CACNA2D3: variants seen among roughly 807,000 people sequenced by gnomAD.
CACNA2D3 encodes voltage-dependent calcium channel subunit alpha-2/delta-3.
A neutral mutation model predicts 160.6 loss-of-function variants in CACNA2D3; 60 were observed. The ratio of observed to expected loss-of-function variants is 0.37; its 90% CI spans 0.30 to 0.46. CACNA2D3 has a LOEUF of 0.46. CACNA2D3 is among the 20% of genes least tolerant of loss of function. The probability of loss-of-function intolerance (pLI) is 1.00; values close to 1 mark genes in which losing one functional copy is unlikely to be tolerated. For synonymous variants in CACNA2D3, 558 were observed against 492.9 expected, an observed-to-expected ratio of 1.13 and a Z score of -1.75; for missense variants, 1,205 against 1,365.0, an observed-to-expected ratio of 0.88 and a Z score of 1.85.
chr3:54,916,096 G>C (rs1252710258), intron 27 of CACNA2D3, among the ~76,000 whole-genome samples: 1 of 152,124 alleles, frequency 6.6e-6, no homozygotes, highest in East Asian at 1.9e-4. Context: ...GCATTAAAAC[G>C]AAGCATGCGT....
intron 5 of CACNA2D3, among the ~76,000 whole-genome samples, chr3:54,551,744 T>C (rs1013946591): frequency 3.9e-5 from 6 of 152,216 alleles, no homozygotes; most frequent in Non-Finnish European, 7.3e-5. Flanking sequence ...GCAAAATGCT[T>C]GAGTTCCAAA....
intron 2 of CACNA2D3, among the ~76,000 whole-genome samples, chr3:54,306,161 G>A (rs529518780): frequency 6.6e-6 from 1 of 152,032 alleles, no homozygotes; most frequent in South Asian, 2.1e-4. Context: ...GAGTACCTGT[G>A]GTCTGCTGCA....
chr3:54,657,805 G>A (rs913497170), intron 11 of CACNA2D3, among the ~76,000 whole-genome samples: 1 of 152,098 alleles, frequency 6.6e-6, no homozygotes, highest in Non-Finnish European at 1.5e-5. Flanking sequence ...GAGGCAGGTG[G>A]ATCATTTGAG....
intron 4 of CACNA2D3, among the ~76,000 whole-genome samples, chr3:54,485,429 C>T (rs1180775384): frequency 6.6e-6 from 1 of 152,158 alleles, no homozygotes; most frequent in African/African-American, 2.4e-5. Context: ...TACCTGCAAG[C>T]CACATGTTCA....
rs1704907282 is a variant in CACNA2D3, at chr3:55,074,444, C to A, written c.*238C>A. The A allele has an allele frequency of 1.9e-6, 1 of 521,238 alleles. No homozygotes were observed. The highest frequency in any genetic ancestry group is 3.4e-6 in the Non-Finnish European group (1 of 291,176). The allele number at this position is 521,238 out of a possible 1,614,324, so 32.3% of individuals were successfully genotyped here. A position where few individuals can be genotyped will look rare whatever the true frequency, so the allele number is the denominator to read the frequency against. On this transcript the variant is annotated 3_prime_UTR_variant, in exon 38 of 38. Coordinates refer to ENST00000474759, the MANE Select transcript of CACNA2D3 (RefSeq NM_018398.3). ...AAATGTGAGTTTGCCACATGATAAT[C>A]ACCCTTCATCAGAAATGGGACCGCA...
chr3:54,823,317 A>G (rs2106730594), intron 14 of CACNA2D3, among the ~76,000 whole-genome samples: 1 of 152,074 alleles, frequency 6.6e-6, no homozygotes, highest in South Asian at 2.1e-4. Context: ...TTTATATACT[A>G]TTTTTCCTGA....
At chr3:54,722,429 C>T (rs957054295) in intron 11 of CACNA2D3, among the ~76,000 whole-genome samples, 3 of 152,220 alleles carry the variant, frequency 2.0e-5, no homozygotes, top group African/African-American at 7.2e-5. Context: ...CAAACCTATT[C>T]TCTGTCCAGT....
chr3:54,433,215 A>C (rs1700014508), intron 4 of CACNA2D3, among the ~76,000 whole-genome samples: 1 of 152,024 alleles, frequency 6.6e-6, no homozygotes, highest in East Asian at 1.9e-4. Context: ...CTGGAGGGGG[A>C]TTTATGTACT....
intron 11 of CACNA2D3, among the ~76,000 whole-genome samples, chr3:54,687,034 A>G (rs1284574625): frequency 1.3e-5 from 2 of 150,668 alleles, no homozygotes; most frequent in African/African-American, 4.9e-5. Flanking sequence ...GCTTGGATAT[A>G]TGGTCTCTAT....
intron 11 of CACNA2D3, among the ~76,000 whole-genome samples, chr3:54,662,082 CAT>C (rs1320897722): frequency 6.6e-6 from 1 of 152,098 alleles, no homozygotes; most frequent in East Asian, 1.9e-4. Context: ...GGGCAGATAT[CAT>C]GTTCCTCTGG....
intron 2 of CACNA2D3, among the ~76,000 whole-genome samples, chr3:54,204,255 C>G (rs1022768442): frequency 6.6e-6 from 1 of 152,020 alleles, no homozygotes; most frequent in South Asian, 2.1e-4. Context: ...GAGCCAATTC[C>G]TCATAATAAA....
intron 2 of CACNA2D3, among the ~76,000 whole-genome samples, chr3:54,278,961 T>C (rs558629230): frequency 1.3e-5 from 2 of 152,278 alleles, no homozygotes; most frequent in East Asian, 3.9e-4. Flanking sequence ...TCTGCACATG[T>C]ATCCCAAAAC....
At chr3:54,454,221 T>C (rs566171520) in intron 4 of CACNA2D3, among the ~76,000 whole-genome samples, 83 of 152,336 alleles carry the variant, frequency 5.4e-4, no homozygotes, top group Non-Finnish European at 1.0e-3. Context: ...TCAACTTTAG[T>C]AAAGTATAAT....
At chr3:54,825,542 A>G (rs1191831591) in intron 14 of CACNA2D3, among the ~76,000 whole-genome samples, 1 of 152,184 alleles carries the variant, frequency 6.6e-6, no homozygotes, top group African/African-American at 2.4e-5. Flanking sequence ...TGTATCCATC[A>G]CTTGACACAC....
intron 4 of CACNA2D3, among the ~76,000 whole-genome samples, chr3:54,493,576 C>T (rs1324463325): frequency 2.0e-5 from 3 of 152,180 alleles, no homozygotes; most frequent in Non-Finnish European, 4.4e-5. Flanking sequence ...TAGTTACCAG[C>T]TCCTATGCCT....
intron 2 of CACNA2D3, among the ~76,000 whole-genome samples, chr3:54,318,855 G>A (rs1347270206): frequency 6.6e-6 from 1 of 151,838 alleles, no homozygotes; most frequent in Non-Finnish European, 1.5e-5. Flanking sequence ...CACCATATCT[G>A]ATTAATTAAA....
At chr3:54,153,097 G>A (rs1700181278) in intron 2 of CACNA2D3, among the ~76,000 whole-genome samples, 1 of 152,210 alleles carries the variant, frequency 6.6e-6, no homozygotes, top group South Asian at 2.1e-4. Context: ...GAGGACCCAT[G>A]GTGCAGAATG....
chr3:54,837,812 T>A (rs1698728531), intron 15 of CACNA2D3, among the ~76,000 whole-genome samples: 1 of 152,182 alleles, frequency 6.6e-6, no homozygotes, highest in South Asian at 2.1e-4. Flanking sequence ...TGTCCTTCCC[T>A]GTTGTAAGGA....
rs1559595022 is a variant in CACNA2D3 at position 54,821,721 on chromosome 3, CT to C, written c.1398+4852del. ...CTTTCCTTCCTTCCTTCTTTCCTCTCTCTCTCTCTCTCTCTTTCTCTCTCTC... is the reference window on the plus strand; with the variant it reads ...CTTTCCTTCCTTCCTTCTTTCCTCTCCTCTCTCTCTCTCTTTCTCTCTCTC... On this transcript the variant is annotated intron_variant, in intron 14 of 37. Transcript: ENST00000474759. Among the ~76,000 whole-genome samples, 329 of 133,752 alleles carry C rather than the reference CT, an allele frequency of 2.5e-3. 7 individuals are homozygous for C. The highest frequency in any genetic ancestry group is 8.3e-3 in the African/African-American group (299 of 35,898). The allele number at this position is 133,752 out of a possible 152,430, so 87.7% of individuals were successfully genotyped here. A position where few individuals can be genotyped will look rare whatever the true frequency, so the allele number is the denominator to read the frequency against.
Sources: allele counts gnomAD v4.1 joint callset (sites outside exome capture counted in the v4.1 genomes callset), GRCh38; gene constraint gnomAD v4.1.1; transcripts MANE v1.5; gene names NCBI Gene and HGNC (gene_info 2026-07-23, HGNC 2026-07-21).